Variants in C6 observed in about 807,000 individuals in gnomAD.
The protein encoded by C6 is complement component C6.
In C6, 101 loss-of-function variants were observed where a neutral mutation model predicts 112.9. That is an observed-to-expected ratio of 0.89 (90% CI 0.76 to 1.06). The LOEUF is 1.06. Among genes scored for constraint, C6 ranks in the 50% least tolerant of loss-of-function variants. The pLI is 0.00. For synonymous variants in C6, 431 were observed against 384.1 expected, an observed-to-expected ratio of 1.12 and a Z score of -1.43; for missense variants, 1,202 against 1,104.6, an observed-to-expected ratio of 1.09 and a Z score of -1.25.
intron 9 of C6, among the ~76,000 whole-genome samples, chr5:41,164,691 T>A (rs184929776): frequency 8.5e-5 from 13 of 152,316 alleles, no homozygotes; most frequent in Non-Finnish European, 1.5e-4. Flanking sequence ...CAACGGTCTC[T>A]AACTTTGCAA....
rs1025075164 is a variant in C6 at position 41,142,601 on chromosome 5, T to C, written c.*224A>G. The stretch of plus-strand genomic sequence containing the variant: ...GAATTTACGAGACTGCTGTGGAAGT[T>C]GGTACCTAGGGGTATGCTACAGGGC... On this transcript the variant is annotated 3_prime_UTR_variant, in exon 18 of 18. Coordinates refer to ENST00000337836, the MANE Select transcript of C6 (RefSeq NM_000065.5). 3.5e-6 allele frequency: 2 copies of C among 568,854 alleles called. No individual in the cohort carries two copies. The highest frequency in any genetic ancestry group is 3.8e-5 in the African/African-American group (2 of 53,294). The allele number at this position is 568,854 out of a possible 1,614,324, so 35.2% of individuals were successfully genotyped here.
At chr5:41,218,912 C>T (rs1738994662) in intron 1 of C6, among the ~76,000 whole-genome samples, 1 of 152,174 alleles carries the variant, frequency 6.6e-6, no homozygotes. Flanking sequence ...GCACTTCCTT[C>T]TCTTGTGTTT....
At chr5:41,143,108 A>G (rs1215708468) in intron 17 of C6, 102 bp from the exon 18 acceptor site, 1 of 1,046,794 alleles carries the variant, frequency 9.6e-7, no homozygotes, top group Non-Finnish European at 1.5e-6. Flanking sequence ...ATGGTGTTAA[A>G]TTAAGTTTGG....
At chr5:41,177,983 C>T (rs990840651) in intron 7 of C6, among the ~76,000 whole-genome samples, 5 of 152,178 alleles carry the variant, frequency 3.3e-5, no homozygotes, top group African/African-American at 9.7e-5. Context: ...AGTATCTGAA[C>T]TGCCCTTTCT....
rs6875866 is a variant in C6 at position 41,193,311 on chromosome 5, G to A, written c.587+2481C>T. Among the ~76,000 whole-genome samples, 1,206 of 152,264 alleles carry A rather than the reference G, an allele frequency of 7.9e-3. 17 individuals carry two copies. Among genetic ancestry groups the A allele is most frequent in the African/African-American group, 0.027 (1,131 of 41,540 alleles). On this transcript the variant is annotated intron_variant, in intron 5 of 17. Transcript: ENST00000337836. ...GAGGTATTTCCAGCAGACCATGCCT[G>A]AGAAATCTTTTAGGAGTTAAGCCAG...
At chr5:41,255,358 T>TAAA (rs35687201) in intron 1 of C6, among the ~76,000 whole-genome samples, 22 of 144,278 alleles carry the variant, frequency 1.5e-4, no homozygotes, top group East Asian at 6.1e-4. Context: ...GAGATTCCGT[T>TAAA]AAAAAAAAAA....
intron 9 of C6, among the ~76,000 whole-genome samples, chr5:41,164,108 G>T (rs1358248091): frequency 6.6e-6 from 1 of 150,504 alleles, no homozygotes; most frequent in Non-Finnish European, 1.5e-5. Context: ...AGGAAGGAAG[G>T]TAGAAAGGGG....
intron 1 of C6, among the ~76,000 whole-genome samples, chr5:41,249,662 C>A (rs374607674): frequency 6.6e-6 from 1 of 152,276 alleles, no homozygotes; most frequent in South Asian, 2.1e-4. Context: ...ATACCTTCGG[C>A]TTTATTTGAG....
At chr5:41,200,891 G>GTTGTTTTTTTTTTTTTTTTTTTTTTT (rs1447605950) in intron 3 of C6, among the ~76,000 whole-genome samples, 1 of 70,670 alleles carries the variant, frequency 1.4e-5, no homozygotes. Flanking sequence ...TGTTGTTGTT[G>GTTGTTTTTTTTTTTTTTTTTTTTTTT]TTTTTTTTTT....
intron 4 of C6, among the ~76,000 whole-genome samples, chr5:41,199,258 A>G (rs181036238): frequency 3.9e-5 from 6 of 152,318 alleles, no homozygotes; most frequent in African/African-American, 1.4e-4. Flanking sequence ...TTGTAACTTT[A>G]AGTTGACTGT....
chr5:41,162,831 T>C (rs1027896547), intron 9 of C6, among the ~76,000 whole-genome samples: 1 of 152,162 alleles, frequency 6.6e-6, no homozygotes, highest in African/African-American at 2.4e-5. Context: ...AACACAGGTA[T>C]AAGGCGTAAC....
At chr5:41,209,915 C>T (rs1055344243) in intron 1 of C6, among the ~76,000 whole-genome samples, 6 of 152,160 alleles carry the variant, frequency 3.9e-5, no homozygotes, top group Non-Finnish European at 5.9e-5. Flanking sequence ...CCAAGACAAT[C>T]CTAAGCCAAA....
At chr5:41,213,627 G>A, upstream of C6, 1 of 826,644 alleles carries the variant, frequency 1.2e-6, no homozygotes, top group Non-Finnish European at 1.5e-6. Context: ...AACTCTGGGT[G>A]TTGGATGTTA....
chr5:41,210,396 T>A (rs987032838), intron 1 of C6, among the ~76,000 whole-genome samples: 2 of 152,014 alleles, frequency 1.3e-5, no homozygotes, highest in African/African-American at 4.8e-5. Flanking sequence ...GAGCTTCTGC[T>A]CAGCCAAAGA....
At chr5:41,176,855 C>T in intron 7 of C6, 140 bp from the exon 8 acceptor site, 1 of 833,828 alleles carries the variant, frequency 1.2e-6, no homozygotes, top group East Asian at 2.7e-5. Flanking sequence ...TGCATGTTCT[C>T]ACGTACAAAA....
At chr5:41,158,528 G>C in intron 13 of C6, 146 bp downstream of exon 13, 2 of 672,706 alleles carry the variant, frequency 3.0e-6, no homozygotes, top group Middle Eastern at 2.7e-4. Flanking sequence ...TGGAAGAGTG[G>C]CAAAGTGTTT....
intron 8 of C6, among the ~76,000 whole-genome samples, chr5:41,173,471 C>T (rs1347929725): frequency 2.0e-5 from 3 of 152,160 alleles, no homozygotes; most frequent in African/African-American, 4.8e-5. Context: ...TTAACAGCTT[C>T]CCCAGGCACC....
At chr5:41,202,595 T>G (rs544594967) in intron 2 of C6, among the ~76,000 whole-genome samples, 84 of 152,244 alleles carry the variant, frequency 5.5e-4, no homozygotes, top group African/African-American at 1.9e-3. Context: ...AAAGAAACTG[T>G]GGGGGACAAG....
chr5:41,238,348 C>A (rs1251124680), intron 1 of C6, among the ~76,000 whole-genome samples: 1 of 150,120 alleles, frequency 6.7e-6, no homozygotes, highest in African/African-American at 2.4e-5. Flanking sequence ...GCTACAGTAA[C>A]CAAAACAGCA....
Sources: allele counts gnomAD v4.1 joint callset (sites outside exome capture counted in the v4.1 genomes callset), GRCh38; gene constraint gnomAD v4.1.1; transcripts MANE v1.5; gene names NCBI Gene and HGNC (gene_info 2026-07-23, HGNC 2026-07-21).